The following RBMS1 variants were observed in gnomAD, a reference collection of about 807,000 sequenced individuals.
RBMS1 encodes the protein RNA binding motif single stranded interacting protein 1, also known as RNA-binding motif, single-stranded-interacting protein 1.
In RBMS1, 17 loss-of-function variants were observed where a neutral mutation model predicts 62.3. The ratio of observed to expected loss-of-function variants is 0.27; its 90% CI spans 0.19 to 0.41. The LOEUF (loss-of-function observed/expected upper bound fraction) is 0.41, where lower values mean the gene tolerates loss of function less well. Among genes scored for constraint, RBMS1 ranks in the 10% least tolerant of loss-of-function variants. The probability of loss-of-function intolerance (pLI) is 1.00; values close to 1 mark genes in which losing one functional copy is unlikely to be tolerated. For synonymous variants in RBMS1, 172 were observed against 170.0 expected, an observed-to-expected ratio of 1.01 and a Z score of -0.09; for missense variants, 334 against 504.5, an observed-to-expected ratio of 0.66 and a Z score of 3.24.
chr2:160,285,378 C>T (rs1688327114), intron 7 of RBMS1, among the ~76,000 whole-genome samples: 1 of 152,168 alleles, frequency 6.6e-6, no homozygotes, highest in Non-Finnish European at 1.5e-5. Context: ...TGGACCTGCA[C>T]TGTCCCATGT....
intron 1 of RBMS1, among the ~76,000 whole-genome samples, chr2:160,469,595 C>G (rs1218233807): frequency 6.6e-6 from 1 of 152,152 alleles, no homozygotes; most frequent in African/African-American, 2.4e-5. Context: ...CTCCACAGAC[C>G]CTTTTCTTCA....
chr2:160,360,417 C>T (rs1693061742), intron 2 of RBMS1, among the ~76,000 whole-genome samples: 1 of 152,196 alleles, frequency 6.6e-6, no homozygotes, highest in South Asian at 2.1e-4. Context: ...TCTACTCCAA[C>T]AGCTAACTTT....
chr2:160,326,023 T>C (rs1242234590), intron 2 of RBMS1, among the ~76,000 whole-genome samples: 2 of 152,196 alleles, frequency 1.3e-5, no homozygotes, highest in Non-Finnish European at 2.9e-5. Flanking sequence ...TTGTGTTATA[T>C]GGCTGAGTGT....
intron 1 of RBMS1, chr2:160,416,074 T>C (rs1696194683): frequency 6.7e-6 from 1 of 149,164 alleles, no homozygotes; most frequent in African/African-American, 2.5e-5. Flanking sequence ...CCTGAGTATC[T>C]TTAAGAATGA....
intron 1 of RBMS1, among the ~76,000 whole-genome samples, chr2:160,404,702 T>A (rs989788460): frequency 5.3e-5 from 8 of 152,160 alleles, no homozygotes; most frequent in Non-Finnish European, 8.8e-5. Flanking sequence ...AGTTGTACAA[T>A]CATTCAGTAC....
At position 160,367,258 on chromosome 2, in the gene RBMS1, G is replaced by C; in HGVS notation, c.209C>G (p.Pro70Arg). 1 of 1,613,932 alleles carries C rather than the reference G, an allele frequency of 6.2e-7. No individual in the cohort carries two copies. The highest frequency in any genetic ancestry group is 8.5e-7 in the Non-Finnish European group (1 of 1,180,008). ...CAGGTCCTGGTCGGTGGTGTGGGGA[G>C]GCAGTCCTCGGATATAGAGGTTCGT... ...SKTNLYIRGL[P>R]PHTTDQDLVK... The change falls in exon 2 of 14, where the codon CCT becomes CGT. Residue 70 changes from proline to arginine, a missense_variant. By Grantham distance (103) the Pro-to-Arg change is moderately radical. Coordinates refer to ENST00000348849, the MANE Select transcript of RBMS1 (RefSeq NM_016836.4).
chr2:160,470,260 C>T (rs774776158), intron 1 of RBMS1, among the ~76,000 whole-genome samples: 1 of 152,138 alleles, frequency 6.6e-6, no homozygotes, highest in Non-Finnish European at 1.5e-5. Flanking sequence ...CAGGTATTTT[C>T]CTGATTATAT....
intron 1 of RBMS1, among the ~76,000 whole-genome samples, chr2:160,475,957 G>A (rs1040289333): frequency 6.7e-6 from 1 of 150,198 alleles, no homozygotes; most frequent in South Asian, 2.1e-4. Context: ...CCCGAGCTCT[G>A]TCAATCCTCC....
intron 1 of RBMS1, among the ~76,000 whole-genome samples, chr2:160,447,827 T>G (rs1018208736): frequency 1.3e-5 from 2 of 152,236 alleles, no homozygotes; most frequent in African/African-American, 4.8e-5. Context: ...GATGCTACAG[T>G]AGCTCTTACA....
chr2:160,336,231 T>G (rs923771332), intron 2 of RBMS1, among the ~76,000 whole-genome samples: 4 of 152,194 alleles, frequency 2.6e-5, no homozygotes, highest in Non-Finnish European at 5.9e-5. Context: ...CAGCAAAAGC[T>G]AAGTCATTTC....
intron 1 of RBMS1, among the ~76,000 whole-genome samples, chr2:160,410,504 A>AG (rs1695983380): frequency 6.6e-6 from 1 of 152,172 alleles, no homozygotes; most frequent in South Asian, 2.1e-4. Flanking sequence ...ATGCAACGTA[A>AG]GAAAAAAAAA....
At chr2:160,282,350 G>C (rs748488029) in intron 9 of RBMS1, 5 of 1,356,728 alleles carry the variant, frequency 3.7e-6, no homozygotes, top group East Asian at 9.1e-5. Flanking sequence ...TAACATTTCA[G>C]TTATCTGGAC....
intron 1 of RBMS1, among the ~76,000 whole-genome samples, chr2:160,450,577 A>C (rs1422983343): frequency 1.3e-5 from 2 of 150,172 alleles, no homozygotes; most frequent in Non-Finnish European, 3.0e-5. Context: ...AAAAAAAAAA[A>C]AACAAAAAAC....
In RBMS1 at chr2:160,311,228, C is replaced by CTATATATATA. The variant is rs1252861710; in HGVS notation, c.402+1927_402+1928insTATATATATA. 5.4e-4 allele frequency among the ~76,000 whole-genome samples: 52 copies of CTATATATATA among 95,892 alleles called. 1 individual carries two copies. Among genetic ancestry groups the CTATATATATA allele is most frequent in the African/African-American group, 1.1e-3 (30 of 27,964 alleles). 62.9% of individuals were successfully genotyped at this position (95,892 alleles called of 152,430 possible). ...AAAAAAAATCTATCTATCTATCTAT[C>CTATATATATA]TATCTATATATATATATATATATAT... On this transcript the variant is annotated intron_variant, in intron 4 of 13. Transcript: ENST00000348849.
At chr2:160,310,398 A>G (rs967656479) in intron 4 of RBMS1, among the ~76,000 whole-genome samples, 1 of 152,204 alleles carries the variant, frequency 6.6e-6, no homozygotes, top group Non-Finnish European at 1.5e-5. Context: ...CAGTTTTAAA[A>G]ACATCTACAT....
chr2:160,493,713 T>C lies in RBMS1; in HGVS notation c.-350A>G. 2.8e-6 allele frequency: 1 copy of C among 352,764 alleles called. No homozygotes were observed. The allele number at this position is 352,764 out of a possible 1,614,324, so 21.9% of individuals were successfully genotyped here. ...CCAAGGGCTGGCGCGCTGGCCGCGG[T>C]CCGCTCGGGCGAGCCGGCTGCGCGG... On this transcript the variant is annotated 5_prime_UTR_variant, in exon 1 of 14. Coordinates refer to ENST00000348849, the MANE Select transcript of RBMS1 (RefSeq NM_016836.4).
chr2:160,280,718 T>C lies in RBMS1; in HGVS notation c.951+596A>G, dbSNP rs148596370. Among the ~76,000 whole-genome samples the C allele has an allele frequency of 9.2e-3, 1,402 of 152,314 alleles. 10 individuals carry two copies. Among genetic ancestry groups the C allele is most frequent in the South Asian group, 0.012 (58 of 4,832 alleles). On this transcript the variant is annotated intron_variant, in intron 10 of 13. Coordinates refer to ENST00000348849, the MANE Select transcript of RBMS1 (RefSeq NM_016836.4). ...TTATTGTAACTTTGTTCTCCATATG[T>C]ATTTTTAAATTTTCAAACCCTTCTT...
chr2:160,465,249 G>A (rs758023386), intron 1 of RBMS1, among the ~76,000 whole-genome samples: 21 of 152,082 alleles, frequency 1.4e-4, no homozygotes, highest in East Asian at 5.8e-4. Context: ...ATCTTATGAC[G>A]CAATTCTCTA....
In RBMS1 at chr2:160,343,085, G is replaced by C. The variant is rs142111446; in HGVS notation, c.251+24131C>G. Among the ~76,000 whole-genome samples the C allele has an allele frequency of 9.9e-5, 15 of 152,198 alleles. No individual in the cohort carries two copies. In the South Asian group the frequency reaches 1.0e-3, roughly 11 times the overall value. On this transcript the variant is annotated intron_variant, in intron 2 of 13. Coordinates refer to ENST00000348849, the MANE Select transcript of RBMS1 (RefSeq NM_016836.4). Reference sequence around the variant, plus strand: ...GATCCCAGGCAACACTTCCATTACAGACCACATCCAGAAGAAGACCACTGC... The same window carrying C: ...GATCCCAGGCAACACTTCCATTACACACCACATCCAGAAGAAGACCACTGC...
Sources: gnomAD v4.1 joint callset for allele counts (sites outside exome capture counted in the v4.1 genomes callset) on GRCh38, gnomAD v4.1.1 for gene constraint, MANE v1.5 for transcripts, NCBI Gene and HGNC (gene_info 2026-07-23, HGNC 2026-07-21) for gene names.